NEDD9: variants seen among roughly 807,000 people sequenced by gnomAD.
The protein encoded by NEDD9 is neural precursor cell expressed, developmentally down-regulated 9, also known as enhancer of filamentation 1.
NEDD9 carries 26 observed loss-of-function variants against 76.6 expected under a neutral mutation model. That is an observed-to-expected ratio of 0.34 (90% CI 0.25 to 0.47). NEDD9 has a LOEUF of 0.47. NEDD9 is among the 20% of genes least tolerant of loss of function. The pLI is 1.00. For synonymous variants in NEDD9, 392 were observed against 414.2 expected (o/e 0.95, Z 0.65); for missense variants, 937 against 1,058.5 (o/e 0.89, Z 1.59).
chr6:11,239,353 T>C (rs958783563), intron 3 of NEDD9, among the ~76,000 whole-genome samples: 15 of 152,312 alleles, frequency 9.8e-5, no homozygotes, highest in Admixed American at 8.5e-4. Context: ...CATTTTGCAC[T>C]TATGTAGGTG....
At chr6:11,203,945 T>C (rs1480244885) in intron 2 of NEDD9, among the ~76,000 whole-genome samples, 1 of 150,800 alleles carries the variant, frequency 6.6e-6, no homozygotes, top group Non-Finnish European at 1.5e-5. Context: ...CAAGTTGAAA[T>C]TTATAATCAA....
chr6:11,228,764 GC>G (rs1759383487), intron 1 of NEDD9, among the ~76,000 whole-genome samples: 1 of 152,116 alleles, frequency 6.6e-6, no homozygotes. Flanking sequence ...AAGCCATTTA[GC>G]TCTGCAAATG....
At chr6:11,317,782 G>T (rs1192699800) in intron 2 of NEDD9, among the ~76,000 whole-genome samples, 6 of 152,202 alleles carry the variant, frequency 3.9e-5, no homozygotes, top group Non-Finnish European at 5.9e-5. Context: ...ACACGTGATA[G>T]TTAATTCTAT....
intron 3 of NEDD9, chr6:11,305,801 T>G (rs1382429072): frequency 1.6e-6 from 1 of 644,938 alleles, no homozygotes; most frequent in Non-Finnish European, 2.8e-6. Flanking sequence ...TGGGCATCAG[T>G]GCATCCATGT....
intron 2 of NEDD9, among the ~76,000 whole-genome samples, chr6:11,321,971 A>T (rs2113474014): frequency 6.6e-6 from 1 of 152,364 alleles, no homozygotes; most frequent in South Asian, 2.1e-4. Context: ...TGTGGCACAT[A>T]TACGCCATGG....
At chr6:11,227,736 A>G (rs4713282) in intron 1 of NEDD9, among the ~76,000 whole-genome samples, 114,253 of 152,082 alleles carry the variant, frequency 0.75, 42,968 homozygotes, top group East Asian at 0.82. Context: ...TCTGAGTTAC[A>G]GGTATCCTTT....
At chr6:11,265,267 C>T (rs1760181636) in intron 3 of NEDD9, among the ~76,000 whole-genome samples, 1 of 152,158 alleles carries the variant, frequency 6.6e-6, no homozygotes, top group Admixed American at 6.5e-5. Context: ...GGCTTTATAT[C>T]TGTTATATGG....
chr6:11,294,548 C>A (rs1350163673), intron 3 of NEDD9, among the ~76,000 whole-genome samples: 2 of 152,178 alleles, frequency 1.3e-5, no homozygotes, highest in Admixed American at 1.3e-4. Flanking sequence ...CCTGAGGCCT[C>A]TGCAGCCATG....
chr6:11,230,282 C>T (rs866417855), intron 1 of NEDD9, among the ~76,000 whole-genome samples: 3 of 152,212 alleles, frequency 2.0e-5, no homozygotes, highest in African/African-American at 7.2e-5. Flanking sequence ...TCAACGATAG[C>T]TCTTTCTCTT....
At chr6:11,304,362 T>A (rs1421570266) in intron 3 of NEDD9, among the ~76,000 whole-genome samples, 1 of 152,100 alleles carries the variant, frequency 6.6e-6, no homozygotes, top group African/African-American at 2.4e-5. Context: ...TTGGTGGGAG[T>A]GTAAACTGGT....
intron 2 of NEDD9, among the ~76,000 whole-genome samples, chr6:11,205,058 T>C (rs1405434489): frequency 6.6e-6 from 1 of 152,196 alleles, no homozygotes; most frequent in Non-Finnish European, 1.5e-5. Context: ...TATGCCTTCT[T>C]CTTTAAGGGC....
At chr6:11,326,486 A>T (rs751410239) in intron 2 of NEDD9, among the ~76,000 whole-genome samples, 1 of 152,234 alleles carries the variant, frequency 6.6e-6, no homozygotes, top group Non-Finnish European at 1.5e-5. Context: ...TTTCTTTCTC[A>T]TGCTTAACTT....
chr6:11,255,748 C>T (rs1759991256), intron 3 of NEDD9, among the ~76,000 whole-genome samples: 1 of 151,988 alleles, frequency 6.6e-6, no homozygotes, highest in African/African-American at 2.4e-5. Flanking sequence ...TCCCTTAATC[C>T]CTGAGCACTA....
rs200240765 is a variant in NEDD9 at position 11,192,289 on chromosome 6, C to T, written c.663+56G>A. The T allele has an allele frequency of 3.0e-4, 143 of 470,366 alleles. 11 individuals are homozygous for T. The highest frequency in any genetic ancestry group is 4.4e-4 in the Non-Finnish European group (114 of 257,272). The allele number at this position is 470,366 out of a possible 1,614,324, so 29.1% of individuals were successfully genotyped here. A position where few individuals can be genotyped will look rare whatever the true frequency, so the allele number is the denominator to read the frequency against. On this transcript the variant is annotated intron_variant, in intron 4 of 6. Coordinates refer to ENST00000379446, the MANE Select transcript of NEDD9 (RefSeq NM_006403.4). ...CCCACCCTCCCAACCCTGCACCCCC[C>T]GACACACAGACACACACACACACTC...
intron 3 of NEDD9, among the ~76,000 whole-genome samples, chr6:11,287,652 C>T (rs1021899978): frequency 3.9e-5 from 6 of 152,170 alleles, no homozygotes; most frequent in Non-Finnish European, 8.8e-5. Flanking sequence ...ACGTACTTTT[C>T]CTACACATTC....
intron 5 of NEDD9, among the ~76,000 whole-genome samples, chr6:11,189,380 G>C (rs1758069991): frequency 6.6e-6 from 1 of 152,110 alleles, no homozygotes; most frequent in South Asian, 2.1e-4. Flanking sequence ...TAAGCTCCTA[G>C]GACAGCTAGC....
At chr6:11,195,191 A>G (rs948209900) in intron 2 of NEDD9, among the ~76,000 whole-genome samples, 4 of 152,224 alleles carry the variant, frequency 2.6e-5, no homozygotes, top group Non-Finnish European at 5.9e-5. Context: ...CCTGAGTTCA[A>G]TTTGGCTTTT....
chr6:11,214,326 G>A (rs1758881607), intron 1 of NEDD9: 1 of 417,960 alleles, frequency 2.4e-6, no homozygotes. Flanking sequence ...ATGTAGACAT[G>A]CCATCAAGCG....
intron 1 of NEDD9, among the ~76,000 whole-genome samples, chr6:11,359,087 T>G (rs1276104698): frequency 6.6e-6 from 1 of 152,204 alleles, no homozygotes; most frequent in Non-Finnish European, 1.5e-5. Flanking sequence ...TGAAAATTCC[T>G]GTTCTACTCC....
Sources: allele counts gnomAD v4.1 joint callset (sites outside exome capture counted in the v4.1 genomes callset), GRCh38; gene constraint gnomAD v4.1.1; transcripts MANE v1.5; gene names NCBI Gene and HGNC (gene_info 2026-07-23, HGNC 2026-07-21).